DUS2: variants seen among roughly 807,000 people sequenced by gnomAD.
DUS2 encodes dihydrouridine synthase 2, also known as tRNA-dihydrouridine(20) synthase [NAD(P)+]-like.
A neutral mutation model predicts 71.3 loss-of-function variants in DUS2; 52 were observed. The observed-to-expected ratio is 0.73, with a 90% CI of 0.58 to 0.92. The LOEUF (loss-of-function observed/expected upper bound fraction) is 0.92. Ranked by LOEUF, DUS2 falls within the 40% of genes least tolerant of loss-of-function variation. The pLI is 0.00. For synonymous variants in DUS2, 204 were observed against 227.8 expected (o/e 0.90, Z 0.94); for missense variants, 558 against 622.6 (o/e 0.90, Z 1.10).
At chr16:68,033,736 ATTC>A (rs1316861522) in intron 2 of DUS2, among the ~76,000 whole-genome samples, 4 of 145,596 alleles carry the variant, frequency 2.7e-5, no homozygotes, top group African/African-American at 1.0e-4. Flanking sequence ...GGTTCAAGTG[ATTC>A]TCTTGCCTCA....
chr16:68,052,085 G>A (rs554153809), intron 4 of DUS2, among the ~76,000 whole-genome samples: 4 of 151,300 alleles, frequency 2.6e-5, no homozygotes, highest in African/African-American at 9.7e-5. Context: ...TTGTATTTTA[G>A]TAGAGACTTG....
At chr16:68,054,512 G>A in intron 5 of DUS2, 62 bp from the exon 6 acceptor site, 1 of 1,582,202 alleles carries the variant, frequency 6.3e-7, no homozygotes, top group Non-Finnish European at 8.7e-7. Context: ...GCATGGGTGT[G>A]TTTGTCAGTG....
chr16:68,060,070 T>A (rs1040539383), intron 7 of DUS2, among the ~76,000 whole-genome samples: 3 of 152,198 alleles, frequency 2.0e-5, no homozygotes, highest in African/African-American at 7.2e-5. Context: ...TGCACCTTAG[T>A]AGCTTTGCTG....
Position 68,061,101 on chromosome 16 carries a change from C to T in DUS2, c.405C>T (p.Asp135=). Residue 135 remains aspartate (D), a synonymous_variant, in exon 8 of 17, where the codon GAC becomes GAT. Transcript: ENST00000565263. The part of the protein sequence containing the change: ...GMGAALLSDP[D]KIEKILSTLV... Reference sequence around the variant, plus strand: ...GAGCTGCCCTGCTGTCAGACCCTGACAAGATTGAGAAGGTAAGTCCTCCAC... The same window carrying T: ...GAGCTGCCCTGCTGTCAGACCCTGATAAGATTGAGAAGGTAAGTCCTCCAC... The T allele has an allele frequency of 6.2e-7, 1 of 1,614,048 alleles. No individual in the cohort carries two copies. Among genetic ancestry groups the T allele is most frequent in the Non-Finnish European group, 8.5e-7 (1 of 1,179,984 alleles).
chr16:68,071,401 G>A (rs1224288270), intron 12 of DUS2, among the ~76,000 whole-genome samples: 1 of 152,186 alleles, frequency 6.6e-6, no homozygotes, highest in East Asian at 1.9e-4. Context: ...CCGAACACAT[G>A]ATATATATCT....
chr16:68,035,882 TTTTATATATA>T (rs2033512446), intron 2 of DUS2, among the ~76,000 whole-genome samples: 1 of 75,238 alleles, frequency 1.3e-5, no homozygotes, highest in Admixed American at 1.8e-4. Flanking sequence ...ATCCCGCTAA[TTTTATATATA>T]TATATATATA....
chr16:68,065,135 T>G (rs1033780994), intron 8 of DUS2, among the ~76,000 whole-genome samples: 19 of 152,248 alleles, frequency 1.2e-4, no homozygotes, highest in African/African-American at 4.3e-4. Context: ...CTTTCCTGCG[T>G]GACTTCTTGA....
chr16:68,039,341 C>A (rs1249541555), intron 3 of DUS2, among the ~76,000 whole-genome samples: 1 of 151,824 alleles, frequency 6.6e-6, no homozygotes, highest in Non-Finnish European at 1.5e-5. Flanking sequence ...TGGCTCATGC[C>A]TGTGGGGGGC....
chr16:68,074,764 A>G (rs1190872879), intron 13 of DUS2, among the ~76,000 whole-genome samples: 1 of 152,164 alleles, frequency 6.6e-6, no homozygotes, highest in Non-Finnish European at 1.5e-5. Flanking sequence ...CACTTTTGCC[A>G]TTGGGGATCT....
chr16:68,032,077 T>C (rs1356244646), intron 2 of DUS2, among the ~76,000 whole-genome samples: 1 of 152,154 alleles, frequency 6.6e-6, no homozygotes, highest in East Asian at 1.9e-4. Context: ...AATGAGTGAC[T>C]AAAGTGGTGA....
chr16:68,029,488 C>G (rs1454076066), intron 2 of DUS2, among the ~76,000 whole-genome samples: 1 of 151,902 alleles, frequency 6.6e-6, no homozygotes, highest in Admixed American at 6.6e-5. Flanking sequence ...GCTCCAATTT[C>G]CAGGCTGGAG....
intron 2 of DUS2, among the ~76,000 whole-genome samples, chr16:68,025,875 A>C (rs2033341386): frequency 6.6e-6 from 1 of 152,204 alleles, no homozygotes; most frequent in Admixed American, 6.5e-5. Context: ...ATATTCATTC[A>C]TTCATTCAAT....
chr16:68,074,994 T>A (rs1218147361), intron 13 of DUS2, among the ~76,000 whole-genome samples: 1 of 152,134 alleles, frequency 6.6e-6, no homozygotes, highest in African/African-American at 2.4e-5. Flanking sequence ...CTCTGTCTCT[T>A]CCTCCCATGG....
rs1343792522 is a variant in DUS2, at chr16:68,038,117, C to G, written c.94C>G (p.Leu32Val). ...GACTCTTCCAATGAGGCTGCTGGCC[C>G]TGGATTATGGAGCGGACATTGTTTA... ...VGTLPMRLLA[L>V]DYGADIVYCE... Residue 32 changes from leucine to valine, a missense_variant, in exon 3 of 17, where the codon CTG (leucine) becomes GTG (valine). By Grantham distance (32) the Leu-to-Val change is conservative. Coordinates refer to ENST00000565263, the MANE Select transcript of DUS2 (RefSeq NM_017803.5). The G allele has an allele frequency of 6.2e-7, 1 of 1,613,916 alleles. No homozygotes were observed. Among genetic ancestry groups the G allele is most frequent in the Non-Finnish European group, 8.5e-7 (1 of 1,179,932 alleles).
At chr16:68,046,222 C>T (rs750514470) in intron 3 of DUS2, among the ~76,000 whole-genome samples, 13 of 152,138 alleles carry the variant, frequency 8.5e-5, no homozygotes, top group Admixed American at 3.3e-4. Flanking sequence ...TTGAAGTCTC[C>T]GGTGTCTGTT....
At position 68,054,591 on chromosome 16, in the gene DUS2, G is replaced by A. The variant is rs766626583; in HGVS notation, c.282G>A (p.Glu94=). ...GTTCCCAGGGGACTTCAGACGCAGA[G>A]CGAGCCCTTGCTGTGGCCAGGCTTG... The part of the protein sequence containing the change: ...VVFQMGTSDA[E]RALAVARLVE... The change falls in exon 6 of 17, where the codon GAG becomes GAA. Residue 94 remains glutamate (E), a synonymous_variant. Coordinates refer to ENST00000565263, the MANE Select transcript of DUS2 (RefSeq NM_017803.5). 1.2e-6 allele frequency: 2 copies of A among 1,614,192 alleles called. No individual in the cohort carries two copies.
At chr16:68,077,131 G>A (rs2034169930) in intron 15 of DUS2, among the ~76,000 whole-genome samples, 1 of 151,860 alleles carries the variant, frequency 6.6e-6, no homozygotes. Context: ...GTGGGCGCCT[G>A]TAATCCCAGC....
At chr16:68,051,427 G>C (rs1454259153) in intron 4 of DUS2, among the ~76,000 whole-genome samples, 1 of 152,198 alleles carries the variant, frequency 6.6e-6, no homozygotes, top group Non-Finnish European at 1.5e-5. Context: ...GTCTCACTCT[G>C]TTGCTCAGGC....
intron 7 of DUS2, among the ~76,000 whole-genome samples, chr16:68,058,156 A>C (rs958288547): frequency 6.6e-6 from 1 of 151,880 alleles, no homozygotes; most frequent in African/African-American, 2.4e-5. Context: ...GATGAAGAAG[A>C]AGCAGACTGC....
Sources: gnomAD v4.1 joint callset for allele counts (sites outside exome capture counted in the v4.1 genomes callset) on GRCh38, gnomAD v4.1.1 for gene constraint, MANE v1.5 for transcripts, NCBI Gene and HGNC (gene_info 2026-07-23, HGNC 2026-07-21) for gene names.